Variants in UST observed in about 807,000 individuals in gnomAD.
UST encodes chondroitin sulfate 2-O-sulfotransferase.
A neutral mutation model predicts 45.6 loss-of-function variants in UST; 21 were observed. That is an observed-to-expected ratio of 0.46 (90% CI 0.33 to 0.66). UST has a LOEUF of 0.66. Among genes scored for constraint, UST ranks in the 30% least tolerant of loss-of-function variants. The pLI, the probability that UST is intolerant of heterozygous loss-of-function variation, is 0.02. For missense variants in UST, 463 were observed against 512.4 expected (o/e 0.90, Z 0.93); for synonymous variants, 215 against 200.6 (o/e 1.07, Z -0.61).
intron 1 of UST, among the ~76,000 whole-genome samples, chr6:148,859,208 A>G (rs1778261921): frequency 6.6e-6 from 1 of 152,066 alleles, no homozygotes; most frequent in Non-Finnish European, 1.5e-5. Context: ...ATGGTATCTC[A>G]TTGTGGTTTT....
intron 1 of UST, among the ~76,000 whole-genome samples, chr6:148,784,342 C>T (rs1278098941): frequency 6.6e-6 from 1 of 152,210 alleles, no homozygotes; most frequent in Non-Finnish European, 1.5e-5. Context: ...AACGATGACA[C>T]TCTTTTTATG....
At chr6:148,774,601 G>T (rs140354684) in intron 1 of UST, among the ~76,000 whole-genome samples, 1 of 152,132 alleles carries the variant, frequency 6.6e-6, no homozygotes, top group South Asian at 2.1e-4. Flanking sequence ...AATTTCAAGC[G>T]TGAAGTATAA....
chr6:148,905,213 C>G (rs1779332799), intron 2 of UST, among the ~76,000 whole-genome samples: 1 of 152,146 alleles, frequency 6.6e-6, no homozygotes, highest in Non-Finnish European at 1.5e-5. Context: ...GTTTTCCAAA[C>G]CTCTGAGTCA....
At chr6:148,860,222 G>A (rs1160113070) in intron 1 of UST, among the ~76,000 whole-genome samples, 6 of 152,298 alleles carry the variant, frequency 3.9e-5, no homozygotes, top group South Asian at 2.1e-4. Flanking sequence ...TCACTTGTAC[G>A]TTGGATTCCT....
intron 1 of UST, among the ~76,000 whole-genome samples, chr6:148,798,264 G>C (rs973489265): frequency 1.3e-5 from 2 of 152,210 alleles, no homozygotes; most frequent in African/African-American, 4.8e-5. Flanking sequence ...GCTTCCCTCA[G>C]AGCCAAGGGG....
rs185959571 is a variant in UST, at chr6:148,810,030, C to T, written c.247+62353C>T. Among the ~76,000 whole-genome samples, 1,493 of 152,264 alleles carry T rather than the reference C, an allele frequency of 9.8e-3. 19 individuals are homozygous for T. Among genetic ancestry groups the T allele is most frequent in the Non-Finnish European group, 0.012 (797 of 68,028 alleles). The stretch of plus-strand genomic sequence containing the variant: ...CAGGGAGGAGACAGAGCCATCTTAT[C>T]TGTTTTTCCCACATTTTAAAATGCA... On this transcript the variant is annotated intron_variant, in intron 1 of 7. Transcript: ENST00000367463.
At chr6:148,773,000 T>C (rs764900249) in intron 1 of UST, among the ~76,000 whole-genome samples, 1 of 152,218 alleles carries the variant, frequency 6.6e-6, no homozygotes, top group Non-Finnish European at 1.5e-5. Context: ...TGACATATTC[T>C]TATTCTAGGC....
intron 7 of UST, among the ~76,000 whole-genome samples, chr6:149,056,421 A>C (rs1336272389): frequency 6.6e-6 from 1 of 152,152 alleles, no homozygotes; most frequent in Non-Finnish European, 1.5e-5. Flanking sequence ...CCTGCTTTTC[A>C]AAGTCATAGC....
chr6:148,996,514 T>C lies in UST; in HGVS notation c.682-22625T>C, dbSNP rs574693989. ...GATTACAGGCACAAGCCACCACACCTGCCCTGTTTAATCAGTTTTTCACCA... is the reference window on the plus strand; with the variant it reads ...GATTACAGGCACAAGCCACCACACCCGCCCTGTTTAATCAGTTTTTCACCA... On this transcript the variant is annotated intron_variant, in intron 5 of 7. Coordinates refer to ENST00000367463, the MANE Select transcript of UST (RefSeq NM_005715.3). Among the ~76,000 whole-genome samples the C allele has an allele frequency of 3.5e-4, 53 of 152,344 alleles. No individual in the cohort carries two copies. The South Asian group carries it at 0.01, about 30-fold the overall frequency.
chr6:148,992,386 G>A (rs1418907888), intron 5 of UST, among the ~76,000 whole-genome samples: 1 of 152,142 alleles, frequency 6.6e-6, no homozygotes, highest in Non-Finnish European at 1.5e-5. Context: ...GGAGAATGGG[G>A]TGAACCCGAG....
intron 1 of UST, among the ~76,000 whole-genome samples, chr6:148,886,457 A>G (rs887976160): frequency 2.6e-5 from 4 of 152,258 alleles, no homozygotes; most frequent in Non-Finnish European, 5.9e-5. Context: ...GTAAATGGCT[A>G]TTAGTGAAGA....
chr6:148,918,557 C>CAAA (rs1162391998), intron 2 of UST, among the ~76,000 whole-genome samples: 3 of 152,130 alleles, frequency 2.0e-5, no homozygotes, highest in Admixed American at 1.3e-4. Context: ...CTTTATCAAA[C>CAAA]AAAATACTCT....
chr6:148,844,943 A>G (rs1191678271), intron 1 of UST, among the ~76,000 whole-genome samples: 1 of 152,102 alleles, frequency 6.6e-6, no homozygotes, highest in African/African-American at 2.4e-5. Flanking sequence ...CTTTGCTGCA[A>G]AGAACATGGT....
At chr6:148,808,198 C>G (rs1384153621) in intron 1 of UST, among the ~76,000 whole-genome samples, 1 of 152,140 alleles carries the variant, frequency 6.6e-6, no homozygotes, top group Non-Finnish European at 1.5e-5. Flanking sequence ...AAAGGGTGCT[C>G]CAGGCAGGCC....
In UST at chr6:148,768,425, T is replaced by A. The variant is rs529838035; in HGVS notation, c.247+20748T>A. 2.0e-5 allele frequency among the ~76,000 whole-genome samples: 3 copies of A among 152,324 alleles called. No homozygotes were observed. The East Asian group carries it at 5.8e-4, about 29-fold the overall frequency. ...AGTAATAATTTCCTGGCTTTTTATT[T>A]GTCCTTTTGTTCTAAAAGTCAGTTT... is the stretch of plus-strand genomic sequence containing the variant. On this transcript the variant is annotated intron_variant, in intron 1 of 7. Transcript: ENST00000367463.
intron 1 of UST, among the ~76,000 whole-genome samples, chr6:148,798,647 G>C (rs1776995810): frequency 6.6e-6 from 1 of 152,112 alleles, no homozygotes; most frequent in South Asian, 2.1e-4. Flanking sequence ...GATGCTGGAG[G>C]ACAACCAGGA....
At chr6:148,823,746 A>C (rs920050896) in intron 1 of UST, among the ~76,000 whole-genome samples, 3 of 152,102 alleles carry the variant, frequency 2.0e-5, no homozygotes, top group African/African-American at 7.2e-5. Context: ...TCTCTGGTGG[A>C]TTTTATCTTG....
At position 149,073,913 on chromosome 6, in the gene UST, C is replaced by T. The variant is rs199808069; in HGVS notation, c.1018C>T (p.Arg340Trp). 4.2e-5 allele frequency: 68 copies of T among 1,614,004 alleles called. No individual in the cohort carries two copies. The highest frequency in any genetic ancestry group is 2.2e-5 in the East Asian group (1 of 44,900). ...SPEAVQILYQ[R>W]MRYEYEFYHY... The stretch of plus-strand genomic sequence containing the variant: ...TGAGGCTGTGCAGATCCTCTACCAG[C>T]GGATGAGATACGAGTACGAGTTTTA... The change falls in exon 8 of 8, where the codon CGG (arginine) becomes TGG (tryptophan). Residue 340 changes from arginine (R) to tryptophan (W), a missense_variant. This residue lies in a region of UST where 287 missense variants were observed against 374.2 expected (regional missense o/e 0.77). Coordinates refer to ENST00000367463, the MANE Select transcript of UST (RefSeq NM_005715.3).
At chr6:148,776,401 A>T (rs1010309989) in intron 1 of UST, among the ~76,000 whole-genome samples, 1 of 152,200 alleles carries the variant, frequency 6.6e-6, no homozygotes, top group Non-Finnish European at 1.5e-5. Flanking sequence ...AGTGTGGTCA[A>T]TGACGCAACT....
Sources: allele counts gnomAD v4.1 joint callset (sites outside exome capture counted in the v4.1 genomes callset), GRCh38; gene constraint gnomAD v4.1.1; regional missense constraint gnomAD v4.1.1; transcripts MANE v1.5; gene names NCBI Gene and HGNC (gene_info 2026-07-23, HGNC 2026-07-21).